Variants in SEC24D observed in about 807,000 individuals in gnomAD.
The protein encoded by SEC24D is SEC24 homolog D, COPII component.
In SEC24D, 69 loss-of-function variants were observed where a neutral mutation model predicts 116.9. The observed-to-expected ratio is 0.59, with a 90% confidence interval of 0.49 to 0.72. The LOEUF (loss-of-function observed/expected upper bound fraction) is 0.72, where lower values mean the gene tolerates loss of function less well. SEC24D is among the 30% of genes least tolerant of loss of function. The pLI, the probability that SEC24D is intolerant of heterozygous loss-of-function variation, is 0.00. For missense variants in SEC24D, 1,131 were observed against 1,264.1 expected (o/e 0.89, Z 1.60); for synonymous variants, 405 against 442.8 (o/e 0.91, Z 1.07).
chr4:118,748,942 T>C (rs1726684200), intron 13 of SEC24D, among the ~76,000 whole-genome samples: 1 of 152,118 alleles, frequency 6.6e-6, no homozygotes, highest in African/African-American at 2.4e-5. Flanking sequence ...TTATGGATAA[T>C]TTACAGATAA....
intron 10 of SEC24D, among the ~76,000 whole-genome samples, chr4:118,760,931 T>C (rs1578407487): frequency 6.6e-6 from 1 of 151,680 alleles, no homozygotes; most frequent in East Asian, 1.9e-4. Flanking sequence ...GTTGGCCAGG[T>C]TGGTCTCAAA....
intron 18 of SEC24D, 108 bp from the exon 19 acceptor site, chr4:118,738,487 A>C: frequency 1.3e-6 from 1 of 772,810 alleles, no homozygotes; most frequent in Non-Finnish European, 2.3e-6. Context: ...ACCACCCAGC[A>C]AGAATAATAG....
chr4:118,729,474 A>C (rs1725572726), intron 21 of SEC24D: 1 of 152,176 alleles, frequency 6.6e-6, no homozygotes, highest in Non-Finnish European at 1.5e-5. Flanking sequence ...CTATGTTGCG[A>C]GAGAAAAGAA....
At chr4:118,810,590 CCTA>C (rs1269205481) in intron 6 of SEC24D, among the ~76,000 whole-genome samples, 6 of 152,082 alleles carry the variant, frequency 3.9e-5, no homozygotes, top group African/African-American at 1.4e-4. Context: ...CTTTAGTGTG[CCTA>C]GGAATCATCT....
chr4:118,744,134 C>T lies in SEC24D; in HGVS notation c.1849G>A (p.Val617Ile). The change falls in exon 15 of 23, where the codon GTC (valine) becomes ATC (isoleucine). Residue 617 changes from valine to isoleucine, a missense_variant. Val to Ile is a conservative substitution (Grantham distance 29). Coordinates refer to ENST00000280551, the MANE Select transcript of SEC24D (RefSeq NM_014822.4). Reference protein sequence around the residue: ...EKILFQPQTNVYDSLAKDCVA... With the variant: ...EKILFQPQTNIYDSLAKDCVA... ...CAGTCCTTGGCCAATGAGTCATAGA[C>T]ATTTGTTTGGGGCTGGAAAAGTATC... 5 of 1,585,140 alleles carry T rather than the reference C, an allele frequency of 3.2e-6. No individual in the cohort carries two copies. The highest frequency in any genetic ancestry group is 4.3e-6 in the Non-Finnish European group (5 of 1,168,500).
rs190572539 is a variant in SEC24D at position 118,819,988 on chromosome 4, C to A, written c.249-2576G>T. On this transcript the variant is annotated intron_variant, in intron 3 of 22. Transcript: ENST00000280551. ...CCAGGAGTTAGGTTTCAGAAATTCA[C>A]AAATAAATTATTTCTTTCTGACCAA... Among the ~76,000 whole-genome samples, 282 of 152,210 alleles carry A rather than the reference C, an allele frequency of 1.9e-3. 3 individuals are homozygous for A. The highest frequency in any genetic ancestry group is 6.5e-3 in the African/African-American group (269 of 41,534).
rs986199824 is a variant in SEC24D, at chr4:118,827,805, C to T, written c.119-3056G>A. Among the ~76,000 whole-genome samples the T allele has an allele frequency of 2.0e-5, 3 of 152,230 alleles. No homozygotes were observed. In the East Asian group the frequency reaches 5.8e-4, roughly 29 times the overall value. ...CTGATGTTTTGTTTGCTTCCTGATA[C>T]CCTTTAACAAATCCCTTTCCACTAA... is the stretch of plus-strand genomic sequence containing the variant. On this transcript the variant is annotated intron_variant, in intron 2 of 22. Coordinates refer to ENST00000280551, the MANE Select transcript of SEC24D (RefSeq NM_014822.4).
intron 13 of SEC24D, among the ~76,000 whole-genome samples, chr4:118,749,407 T>G (rs775530932): frequency 2.6e-5 from 4 of 152,252 alleles, no homozygotes; most frequent in Non-Finnish European, 4.4e-5. Flanking sequence ...TGATTATATA[T>G]AGATTTTACT....
At chr4:118,792,406 T>C (rs1280038449) in intron 8 of SEC24D, among the ~76,000 whole-genome samples, 1 of 152,198 alleles carries the variant, frequency 6.6e-6, no homozygotes, top group African/African-American at 2.4e-5. Context: ...CAATAGCTCA[T>C]TGAGAACGGG....
chr4:118,731,058 G>C (rs774164576), intron 21 of SEC24D: 4 of 442,430 alleles, frequency 9.0e-6, no homozygotes, highest in Admixed American at 3.5e-5. Context: ...AGAGTACAGA[G>C]ACTGGCACAT....
chr4:118,831,184 G>C (rs991343299), intron 2 of SEC24D, among the ~76,000 whole-genome samples: 1 of 152,054 alleles, frequency 6.6e-6, no homozygotes, highest in Non-Finnish European at 1.5e-5. Context: ...ACCATGCCCA[G>C]CTAATTTTTA....
intron 4 of SEC24D, among the ~76,000 whole-genome samples, chr4:118,816,523 T>C (rs1330860085): frequency 2.0e-5 from 3 of 152,220 alleles, no homozygotes; most frequent in South Asian, 2.1e-4. Context: ...TCCAATCATA[T>C]TGGAAATAGC....
chr4:118,782,386 CCT>C (rs1560689654), intron 8 of SEC24D, among the ~76,000 whole-genome samples: 4 of 152,100 alleles, frequency 2.6e-5, no homozygotes, highest in Admixed American at 2.6e-4. Context: ...CACTCCAGAC[CCT>C]GTTTGCCTGG....
intron 3 of SEC24D, among the ~76,000 whole-genome samples, chr4:118,823,730 T>A (rs982070432): frequency 2.0e-5 from 3 of 152,212 alleles, no homozygotes; most frequent in African/African-American, 7.2e-5. Context: ...ATTTCATACA[T>A]CTTGGCTTCT....
rs957108482 is a variant in SEC24D at position 118,797,683 on chromosome 4, C to T, written c.1041G>A (p.Glu347=). ...IKPFATIPSN[E]SPLYLVNHGE... ...AATTGCTATTATATATCATTCTTAC[C>T]TCATTTGAAGGAATGGTGGCAAAGG... Residue 347 remains glutamate (E), a splice_region_variant and synonymous_variant, in exon 8 of 23, where the codon GAG becomes GAA. Transcript: ENST00000280551. The T allele has an allele frequency of 6.3e-7, 1 of 1,591,510 alleles. No homozygotes were observed. Among genetic ancestry groups the T allele is most frequent in the African/African-American group, 1.3e-5 (1 of 74,364 alleles).
chr4:118,780,343 T>G (rs955741432), intron 8 of SEC24D, among the ~76,000 whole-genome samples: 1 of 152,254 alleles, frequency 6.6e-6, no homozygotes, highest in Non-Finnish European at 1.5e-5. Context: ...TATTTCTGCC[T>G]TCATTTCGTT....
At chr4:118,733,765 T>C (rs1725819909) in intron 19 of SEC24D, among the ~76,000 whole-genome samples, 1 of 152,220 alleles carries the variant, frequency 6.6e-6, no homozygotes, top group South Asian at 2.1e-4. Context: ...TGTTTCCTAT[T>C]CAGTGTAGAA....
At chr4:118,769,237 G>A (rs2110474320) in intron 8 of SEC24D, among the ~76,000 whole-genome samples, 1 of 152,270 alleles carries the variant, frequency 6.6e-6, no homozygotes, top group African/African-American at 2.4e-5. Flanking sequence ...TGCCAGAACT[G>A]AAAAAATAAA....
intron 14 of SEC24D, among the ~76,000 whole-genome samples, chr4:118,744,615 G>A (rs1430256789): frequency 8.0e-4 from 122 of 152,198 alleles, no homozygotes; most frequent in Non-Finnish European, 1.5e-4. Context: ...TCAGGCCTCT[G>A]CCGCCAAGGG....
Sources: gnomAD v4.1 joint callset for allele counts (sites outside exome capture counted in the v4.1 genomes callset) on GRCh38, gnomAD v4.1.1 for gene constraint, MANE v1.5 for transcripts, NCBI Gene and HGNC (gene_info 2026-07-23, HGNC 2026-07-21) for gene names.